SYNDIG1: variants seen among roughly 807,000 people sequenced by gnomAD.
SYNDIG1 encodes synapse differentiation inducing 1.
A neutral mutation model predicts 19.4 loss-of-function variants in SYNDIG1; 9 were observed. That is an observed-to-expected ratio of 0.46 (90% CI 0.28 to 0.81). SYNDIG1 has a LOEUF of 0.81. SYNDIG1 is among the 30% of genes least tolerant of loss of function. The pLI is 0.12. For synonymous variants in SYNDIG1, 141 were observed against 145.9 expected (o/e 0.97, Z 0.24); for missense variants, 311 against 343.3 (o/e 0.91, Z 0.74).
At chr20:24,644,747 C>T (rs2059408160) in intron 3 of SYNDIG1, among the ~76,000 whole-genome samples, 1 of 152,204 alleles carries the variant, frequency 6.6e-6, no homozygotes, top group Non-Finnish European at 1.5e-5. Flanking sequence ...GCCCATTCTC[C>T]AGCTGAGTGC....
intron 1 of SYNDIG1, among the ~76,000 whole-genome samples, chr20:24,534,355 G>C (rs1004825553): frequency 6.6e-6 from 1 of 152,160 alleles, no homozygotes; most frequent in Admixed American, 6.5e-5. Flanking sequence ...GGAGCCTGTA[G>C]ATCCCACCTG....
intron 2 of SYNDIG1, among the ~76,000 whole-genome samples, chr20:24,565,865 T>G (rs867392752): frequency 1.3e-5 from 2 of 152,184 alleles, no homozygotes; most frequent in Admixed American, 1.3e-4. Flanking sequence ...CCTGGAATGT[T>G]CTTTCTCTTG....
intron 1 of SYNDIG1, among the ~76,000 whole-genome samples, chr20:24,512,109 AT>A (rs1174322734): frequency 1.6e-3 from 4 of 2,558 alleles, no homozygotes; most frequent in Non-Finnish European, 3.2e-3. Flanking sequence ...GGTCTTTAAA[AT>A]ATATATATAT....
At chr20:24,607,630 C>A (rs2058777977) in intron 3 of SYNDIG1, among the ~76,000 whole-genome samples, 1 of 152,204 alleles carries the variant, frequency 6.6e-6, no homozygotes. Flanking sequence ...TCGGGCTCCC[C>A]CTCTCCCTGC....
intron 1 of SYNDIG1, among the ~76,000 whole-genome samples, chr20:24,477,138 G>C (rs775152462): frequency 2.6e-5 from 4 of 152,116 alleles, no homozygotes; most frequent in Non-Finnish European, 4.4e-5. Flanking sequence ...ACCTTTCCAG[G>C]AAAAACATGC....
chr20:24,548,912 T>C (rs2057646120), intron 2 of SYNDIG1, among the ~76,000 whole-genome samples: 1 of 152,146 alleles, frequency 6.6e-6, no homozygotes, highest in African/African-American at 2.4e-5. Context: ...TTTTTTATTT[T>C]ATTTTTTATT....
At chr20:24,654,930 C>T (rs1231436619) in intron 3 of SYNDIG1, among the ~76,000 whole-genome samples, 2 of 152,108 alleles carry the variant, frequency 1.3e-5, no homozygotes, top group East Asian at 1.9e-4. Context: ...TATACTTTTC[C>T]CAACTGTCAG....
chr20:24,616,708 C>T (rs558740843), intron 3 of SYNDIG1, among the ~76,000 whole-genome samples: 4 of 152,356 alleles, frequency 2.6e-5, no homozygotes, highest in African/African-American at 4.8e-5. Flanking sequence ...CTGGATGAGG[C>T]TTCAGCCTTC....
At chr20:24,641,912 T>A (rs916236045) in intron 3 of SYNDIG1, among the ~76,000 whole-genome samples, 3 of 152,188 alleles carry the variant, frequency 2.0e-5, no homozygotes, top group Non-Finnish European at 4.4e-5. Context: ...TTAACTGGTT[T>A]CTCCTTTCCC....
At chr20:24,580,626 C>G (rs1163909736) in intron 2 of SYNDIG1, among the ~76,000 whole-genome samples, 1 of 152,128 alleles carries the variant, frequency 6.6e-6, no homozygotes, top group African/African-American at 2.4e-5. Context: ...CCAGGCGGGT[C>G]TCGAACTCCT....
At chr20:24,515,002 G>A (rs2056831332) in intron 1 of SYNDIG1, among the ~76,000 whole-genome samples, 4 of 152,322 alleles carry the variant, frequency 2.6e-5, no homozygotes, top group South Asian at 4.1e-4. Context: ...CATGGAAACT[G>A]AATAACCTGC....
chr20:24,563,184 C>T (rs1006694040), intron 2 of SYNDIG1, among the ~76,000 whole-genome samples: 4 of 152,172 alleles, frequency 2.6e-5, no homozygotes, highest in African/African-American at 4.8e-5. Flanking sequence ...AAACATCTCT[C>T]TTTATGGACC....
chr20:24,486,657 TAA>T (rs1568575076), intron 1 of SYNDIG1, among the ~76,000 whole-genome samples: 36 of 150,286 alleles, frequency 2.4e-4, no homozygotes, highest in African/African-American at 8.9e-4. Flanking sequence ...TTTATTTATT[TAA>T]TTTTTTTTTT....
intron 2 of SYNDIG1, among the ~76,000 whole-genome samples, chr20:24,580,405 T>C (rs901253997): frequency 6.6e-6 from 1 of 152,032 alleles, no homozygotes; most frequent in Non-Finnish European, 1.5e-5. Flanking sequence ...GAGCTTTGTT[T>C]GTTTGTTTGT....
chr20:24,655,802 T>G (rs1019723368), intron 3 of SYNDIG1, among the ~76,000 whole-genome samples: 3 of 150,550 alleles, frequency 2.0e-5, no homozygotes, highest in African/African-American at 7.3e-5. Flanking sequence ...GACTAGAATG[T>G]TCATAGCAGA....
At chr20:24,608,397 T>C (rs577246101) in intron 3 of SYNDIG1, among the ~76,000 whole-genome samples, 1 of 152,244 alleles carries the variant, frequency 6.6e-6, no homozygotes, top group African/African-American at 2.4e-5. Flanking sequence ...CAGGCTGTTC[T>C]CAAACTCCTG....
chr20:24,469,907 C>T (rs1489012479), intron 1 of SYNDIG1, among the ~76,000 whole-genome samples, 154 bp downstream of exon 1: 1 of 151,806 alleles, frequency 6.6e-6, no homozygotes, highest in African/African-American at 2.4e-5. Flanking sequence ...GCAGACCCGG[C>T]GGCGGCGTGG....
chr20:24,547,560 G>A (rs2057604852), intron 2 of SYNDIG1, among the ~76,000 whole-genome samples: 1 of 152,148 alleles, frequency 6.6e-6, no homozygotes, highest in South Asian at 2.1e-4. Context: ...TCATTATCTA[G>A]TGCCACTGCG....
intron 3 of SYNDIG1, among the ~76,000 whole-genome samples, chr20:24,624,045 G>A (rs567301937): frequency 1.3e-5 from 2 of 152,116 alleles, no homozygotes; most frequent in Non-Finnish European, 1.5e-5. Context: ...GACGAATCAC[G>A]AAGTCAGGAG....
Sources: gnomAD v4.1 joint callset for allele counts (sites outside exome capture counted in the v4.1 genomes callset) on GRCh38, gnomAD v4.1.1 for gene constraint, MANE v1.5 for transcripts, NCBI Gene and HGNC (gene_info 2026-07-23, HGNC 2026-07-21) for gene names.